RBKS: variants seen among roughly 807,000 people sequenced by gnomAD.
The protein encoded by RBKS is ribokinase.
In RBKS, 33 loss-of-function variants were observed where a neutral mutation model predicts 33.9. The observed-to-expected ratio is 0.97, with a 90% confidence interval of 0.74 to 1.30. RBKS has a LOEUF of 1.30. Among genes scored for constraint, RBKS ranks in the 50% most tolerant of loss-of-function variants. The pLI is 0.00. For missense variants in RBKS, 361 were observed against 392.6 expected (o/e 0.92, Z 0.68); for synonymous variants, 125 against 143.0 (o/e 0.87, Z 0.90).
intron 7 of RBKS, among the ~76,000 whole-genome samples, chr2:27,819,500 C>T (rs374009861): frequency 1.3e-5 from 2 of 152,310 alleles, no homozygotes; most frequent in South Asian, 2.1e-4. Flanking sequence ...TGAACCATTC[C>T]ATCCAGGACT....
At chr2:27,820,779 C>CA (rs1678187519) in intron 7 of RBKS, among the ~76,000 whole-genome samples, 1 of 152,054 alleles carries the variant, frequency 6.6e-6, no homozygotes, top group Non-Finnish European at 1.5e-5. Flanking sequence ...CATGGTGGCT[C>CA]ACGCCTATAA....
chr2:27,843,137 G>C lies in RBKS; in HGVS notation c.444C>G (p.Val148=). ...GAGTTATTTCGAGCTGGCAGACCATGACTTTGGCTCTGCTAATGACATTGG... is the reference window on the plus strand; with the variant it reads ...GAGTTATTTCGAGCTGGCAGACCATCACTTTGGCTCTGCTAATGACATTGG... ...AAANVISRAK[V]MVCQLEITPA... Residue 148 remains valine, a synonymous_variant, in exon 5 of 8, where the codon GTC becomes GTG. Transcript: ENST00000302188. 2 of 1,611,582 alleles carry C rather than the reference G, an allele frequency of 1.2e-6. No homozygotes were observed. The highest frequency in any genetic ancestry group is 1.7e-6 in the Non-Finnish European group (2 of 1,178,788).
intron 2 of RBKS, 102 bp from the exon 3 acceptor site, chr2:27,848,199 G>A: frequency 1.6e-6 from 1 of 632,098 alleles, no homozygotes; most frequent in East Asian, 3.0e-5. Context: ...TATCTGCACA[G>A]TACTTTATAA....
chr2:27,868,879 A>G (rs1431737028), intron 1 of RBKS, among the ~76,000 whole-genome samples: 1 of 152,248 alleles, frequency 6.6e-6, no homozygotes, highest in African/African-American at 2.4e-5. Flanking sequence ...AGTAAGTCCA[A>G]TTGAAATAAC....
chr2:27,859,977 C>T (rs1326172517), intron 1 of RBKS, among the ~76,000 whole-genome samples: 2 of 152,128 alleles, frequency 1.3e-5, no homozygotes, highest in African/African-American at 2.4e-5. Flanking sequence ...CTTTATATAG[C>T]TCTAAAAGTG....
chr2:27,789,894 GTATAGAGTGTGTGTGTGTGTGTT>G (rs1379460976), intron 7 of RBKS, among the ~76,000 whole-genome samples: 4 of 140,802 alleles, frequency 2.8e-5, no homozygotes, highest in Admixed American at 1.4e-4. Context: ...GTGTGTGTGT[GTATAGAGTGTGTGTGTGTGTGTT>G]TGTGTGTGTA....
At chr2:27,819,810 C>A (rs1009060788) in intron 7 of RBKS, among the ~76,000 whole-genome samples, 8 of 152,180 alleles carry the variant, frequency 5.3e-5, no homozygotes, top group African/African-American at 1.9e-4. Context: ...GACATTTATT[C>A]TGGTATTTCC....
chr2:27,827,642 T>C lies in RBKS; in HGVS notation c.720A>G (p.Gly240=). ...GTTCTGTCTGTGACAGCACCACACA[T>C]CCTTCAGCCCCTAAGGTAATGATTA... ...QVVIITLGAE[G]CVVLSQTEPE... is the part of the protein sequence containing the mutation. The change falls in exon 7 of 8, where the codon GGA becomes GGG. Residue 240 remains glycine (G), a synonymous_variant. Transcript: ENST00000302188. 3.7e-6 allele frequency: 6 copies of C among 1,613,906 alleles called. No individual in the cohort carries two copies. The highest frequency in any genetic ancestry group is 5.1e-6 in the Non-Finnish European group (6 of 1,179,912).
intron 1 of RBKS, among the ~76,000 whole-genome samples, chr2:27,866,575 AT>A (rs952370302): frequency 6.6e-6 from 1 of 151,570 alleles, no homozygotes; most frequent in Non-Finnish European, 1.5e-5. Flanking sequence ...GACACTGTGC[AT>A]TTTTTTTCTC....
chr2:27,859,113 G>C (rs988076170), intron 1 of RBKS, among the ~76,000 whole-genome samples: 1 of 152,046 alleles, frequency 6.6e-6, no homozygotes, highest in Non-Finnish European at 1.5e-5. Context: ...GTAAGAGTGG[G>C]GTGTTCAGAG....
At chr2:27,876,765 G>C (rs879496901) in intron 1 of RBKS, among the ~76,000 whole-genome samples, 2 of 151,978 alleles carry the variant, frequency 1.3e-5, no homozygotes, top group Non-Finnish European at 2.9e-5. Context: ...AAAAAATGTG[G>C]ATGTACTTAA....
intron 5 of RBKS, among the ~76,000 whole-genome samples, chr2:27,838,037 TA>T (rs764731285): frequency 5.9e-5 from 9 of 151,924 alleles, no homozygotes; most frequent in Non-Finnish European, 1.3e-4. Context: ...CCATCTCTAT[TA>T]AAAATACAAA....
At chr2:27,876,228 G>A (rs375568832) in intron 1 of RBKS, among the ~76,000 whole-genome samples, 1 of 152,228 alleles carries the variant, frequency 6.6e-6, no homozygotes, top group South Asian at 2.1e-4. Flanking sequence ...AAAGGTAGAA[G>A]CAACCCAAAT....
At chr2:27,873,327 T>C (rs1459505563) in intron 1 of RBKS, among the ~76,000 whole-genome samples, 1 of 152,172 alleles carries the variant, frequency 6.6e-6, no homozygotes, top group African/African-American at 2.4e-5. Context: ...TGGGCAACTG[T>C]GGCATGCAAG....
chr2:27,835,276 CAAAA>C (rs35739589), intron 5 of RBKS, among the ~76,000 whole-genome samples: 1 of 115,766 alleles, frequency 8.6e-6, no homozygotes, highest in African/African-American at 3.0e-5. Context: ...AACTCTGTCT[CAAAA>C]AAAAAAAAAA....
At chr2:27,850,232 ACT>A (rs1663711544) in intron 2 of RBKS, among the ~76,000 whole-genome samples, 1 of 151,958 alleles carries the variant, frequency 6.6e-6, no homozygotes, top group Non-Finnish European at 1.5e-5. Context: ...GTTCCCATAT[ACT>A]CTCTGTCTCC....
intron 7 of RBKS, among the ~76,000 whole-genome samples, chr2:27,816,508 A>G (rs527754419): frequency 6.6e-6 from 1 of 152,232 alleles, no homozygotes; most frequent in African/African-American, 2.4e-5. Flanking sequence ...TCTTTATTCT[A>G]TGATGCTGAT....
intron 1 of RBKS, among the ~76,000 whole-genome samples, chr2:27,867,686 C>A (rs10206837): frequency 0.99 from 151,152 of 152,280 alleles, 75,024 homozygotes; most frequent in East Asian, 1. Context: ...TCCAGCTGAG[C>A]TCAGTCCTAG....
rs1436380532 is a variant in RBKS, at chr2:27,848,069, T to C, written c.251A>G (p.Tyr84Cys). ...KVGKDSFGND[Y>C]IENLKQNDIS... Reference sequence around the variant, plus strand: ...ATCATTCTGTTTTAAGTTTTCTATATAATCATTGCCAAAAGAATCTTTGCC... The same window carrying C: ...ATCATTCTGTTTTAAGTTTTCTATACAATCATTGCCAAAAGAATCTTTGCC... The change falls in exon 3 of 8, where the codon TAT becomes TGT. Residue 84 changes from tyrosine (Y) to cysteine (C), a missense_variant. Tyr to Cys is a radical substitution (Grantham distance 194). Coordinates refer to ENST00000302188, the MANE Select transcript of RBKS (RefSeq NM_022128.3). The C allele has an allele frequency of 2.0e-6, 3 of 1,507,870 alleles. No individual in the cohort carries two copies. Among genetic ancestry groups the C allele is most frequent in the African/African-American group, 2.7e-5 (2 of 72,754 alleles). 93.4% of individuals were successfully genotyped at this position (1,507,870 alleles called of 1,614,324 possible).
Sources: allele counts gnomAD v4.1 joint callset (sites outside exome capture counted in the v4.1 genomes callset), GRCh38; gene constraint gnomAD v4.1.1; transcripts MANE v1.5; gene names NCBI Gene and HGNC (gene_info 2026-07-23, HGNC 2026-07-21).